The following DYNC1I1 variants were observed in gnomAD, a reference collection of about 807,000 sequenced individuals.
DYNC1I1 encodes cytoplasmic dynein 1 intermediate chain 1.
DYNC1I1 carries 43 observed loss-of-function variants against 86.6 expected under a neutral mutation model. The ratio of observed to expected loss-of-function variants is 0.50; its 90% CI spans 0.39 to 0.64. DYNC1I1 has a LOEUF of 0.64. DYNC1I1 is among the 30% of genes least tolerant of loss of function. The pLI is 0.00. For missense variants in DYNC1I1, 604 were observed against 788.8 expected, an observed-to-expected ratio of 0.77 and a Z score of 2.81; for synonymous variants, 262 against 283.7, an observed-to-expected ratio of 0.92 and a Z score of 0.77.
At chr7:96,034,683 A>T (rs929293034) in intron 12 of DYNC1I1, among the ~76,000 whole-genome samples, 3 of 152,160 alleles carry the variant, frequency 2.0e-5, no homozygotes, top group Non-Finnish European at 2.9e-5. Context: ...TGTGCACCCT[A>T]TGTGTGGATA....
intron 14 of DYNC1I1, among the ~76,000 whole-genome samples, chr7:96,048,186 G>A (rs1352158319): frequency 6.6e-6 from 1 of 152,012 alleles, no homozygotes; most frequent in African/African-American, 2.4e-5. Flanking sequence ...GACCAGCTGG[G>A]GCTAAATATC....
chr7:95,887,953 A>T (rs568752081), intron 6 of DYNC1I1, among the ~76,000 whole-genome samples: 1 of 152,328 alleles, frequency 6.6e-6, no homozygotes, highest in Non-Finnish European at 1.5e-5. Flanking sequence ...TCAGAGGCTC[A>T]GTGCTCAGTG....
At chr7:96,029,006 G>C (rs1794747954) in intron 11 of DYNC1I1, among the ~76,000 whole-genome samples, 1 of 152,178 alleles carries the variant, frequency 6.6e-6, no homozygotes, top group Non-Finnish European at 1.5e-5. Context: ...TTGACACTCA[G>C]GGTAACTGAT....
At chr7:96,000,140 A>G (rs2097669) in intron 10 of DYNC1I1, among the ~76,000 whole-genome samples, 20,697 of 152,202 alleles carry the variant, frequency 0.14, 1,476 homozygotes, top group African/African-American at 0.14. Flanking sequence ...ACAGGTCAAA[A>G]AAGAAAAACA....
At chr7:96,028,127 C>A (rs759784080) in intron 10 of DYNC1I1, 48 bp from the exon 11 acceptor site, 3 of 1,598,568 alleles carry the variant, frequency 1.9e-6, no homozygotes, top group Non-Finnish European at 2.6e-6. Flanking sequence ...AAGTCACCTA[C>A]AACCATTTCA....
At chr7:95,959,166 TATGA>T (rs1792797370) in intron 6 of DYNC1I1, among the ~76,000 whole-genome samples, 3 of 151,946 alleles carry the variant, frequency 2.0e-5, no homozygotes, top group Non-Finnish European at 2.9e-5. Flanking sequence ...TGTGAGAGGC[TATGA>T]ATGCTTGAGT....
intron 16 of DYNC1I1, among the ~76,000 whole-genome samples, chr7:96,087,740 C>A (rs1481889286): frequency 6.6e-6 from 1 of 152,120 alleles, no homozygotes; most frequent in East Asian, 1.9e-4. Context: ...AGCTTTTCAA[C>A]TGGATTTTTC....
rs568495560 is a variant in DYNC1I1 at position 95,874,692 on chromosome 7, C to T, written c.490+4694C>T. 9.2e-5 allele frequency among the ~76,000 whole-genome samples: 14 copies of T among 151,924 alleles called. No homozygotes were observed. The South Asian group carries it at 1.9e-3, about 20-fold the overall frequency. On this transcript the variant is annotated intron_variant, in intron 6 of 16. Transcript: ENST00000447467. ...TCTTTCTCCCTGTGTGTGTGTTCAC[C>T]GAGGAAAGGCCATGTGAGGACACAG... is the stretch of plus-strand genomic sequence containing the variant.
intron 6 of DYNC1I1, among the ~76,000 whole-genome samples, chr7:95,874,964 A>G (rs902287269): frequency 1.3e-5 from 2 of 152,158 alleles, no homozygotes; most frequent in African/African-American, 4.8e-5. Context: ...CGGTCACTGG[A>G]TACTCTCTGT....
At chr7:96,077,137 C>G (rs1195396945) in intron 15 of DYNC1I1, among the ~76,000 whole-genome samples, 1 of 151,862 alleles carries the variant, frequency 6.6e-6, no homozygotes, top group African/African-American at 2.4e-5. Flanking sequence ...TGGAGAACAA[C>G]AAAAAGGTCT....
At chr7:95,942,640 C>A (rs567435887) in intron 6 of DYNC1I1, among the ~76,000 whole-genome samples, 1 of 151,460 alleles carries the variant, frequency 6.6e-6, no homozygotes, top group Non-Finnish European at 1.5e-5. Flanking sequence ...ACTGGCAAAA[C>A]GAATCCAGCA....
chr7:96,062,851 A>G (rs77555119), intron 14 of DYNC1I1, among the ~76,000 whole-genome samples: 7,540 of 152,284 alleles, frequency 0.05, 266 homozygotes, highest in African/African-American at 0.1. Flanking sequence ...CTTCTGTCTC[A>G]GGAAAAAGTA....
In DYNC1I1 at chr7:96,097,611, C is replaced by A. The variant is rs188527921; in HGVS notation, c.*18C>A. ...CTGCCTAGTGGAAATGAGCCACCCC[C>A]ACTGCAGCCCCCACCTTTGTGTCCT... On this transcript the variant is annotated 3_prime_UTR_variant, in exon 17 of 17. Transcript: ENST00000447467. 1,572 of 1,613,214 alleles carry A rather than the reference C, an allele frequency of 9.7e-4. 9 individuals are homozygous for A. The highest frequency in any genetic ancestry group is 4.5e-4 in the Admixed American group (27 of 59,938).
At chr7:95,958,954 G>A (rs187633168) in intron 6 of DYNC1I1, among the ~76,000 whole-genome samples, 106 of 152,318 alleles carry the variant, frequency 7.0e-4, no homozygotes, top group African/African-American at 2.5e-3. Context: ...ATGACAAATG[G>A]GTGGGCTGGT....
intron 9 of DYNC1I1, among the ~76,000 whole-genome samples, chr7:95,992,207 A>G (rs907449405): frequency 8.6e-5 from 13 of 151,956 alleles, no homozygotes; most frequent in African/African-American, 3.1e-4. Context: ...AGCACTTGTC[A>G]TGGTCTGCTT....
In DYNC1I1 at chr7:96,039,310, C is replaced by T. The variant is rs1274700816; in HGVS notation, c.1398C>T (p.His466=). The T allele has an allele frequency of 6.2e-7, 1 of 1,614,034 alleles. No homozygotes were observed. ...KAGIGEVFEG[H]QGPVTGINCH... is the part of the protein sequence containing the mutation. Reference sequence around the variant, plus strand: ...GTATTGGTGAGGTCTTTGAAGGTCACCAAGGGCCAGTGACAGGAATTAACT... The same window carrying T: ...GTATTGGTGAGGTCTTTGAAGGTCATCAAGGGCCAGTGACAGGAATTAACT... The change falls in exon 14 of 17, where the codon CAC becomes CAT. Residue 466 remains histidine, a synonymous_variant. Transcript: ENST00000447467.
At chr7:95,836,238 G>A (rs1405030930) in intron 5 of DYNC1I1, among the ~76,000 whole-genome samples, 1 of 152,032 alleles carries the variant, frequency 6.6e-6, no homozygotes, top group East Asian at 1.9e-4. Context: ...ATGAAGCTTA[G>A]TTTGGCTGGA....
chr7:96,055,706 A>G (rs529231287), intron 14 of DYNC1I1: 10 of 152,328 alleles, frequency 6.6e-5, no homozygotes, highest in South Asian at 6.2e-4. Flanking sequence ...AAAGAAATAC[A>G]TAGATGTTGT....
chr7:96,052,085 A>G (rs1278038123), intron 14 of DYNC1I1, among the ~76,000 whole-genome samples: 3 of 152,156 alleles, frequency 2.0e-5, no homozygotes, highest in Non-Finnish European at 4.4e-5. Flanking sequence ...ATTACCTGGC[A>G]TAGTGCTTGG....
Sources: gnomAD v4.1 joint callset for allele counts (sites outside exome capture counted in the v4.1 genomes callset) on GRCh38, gnomAD v4.1.1 for gene constraint, MANE v1.5 for transcripts, NCBI Gene and HGNC (gene_info 2026-07-23, HGNC 2026-07-21) for gene names.